DENND6A: variants seen among roughly 807,000 people sequenced by gnomAD.
The protein encoded by DENND6A is DENN domain containing 6A, also known as protein DENND6A.
A neutral mutation model predicts 95.5 loss-of-function variants in DENND6A; 43 were observed. That is an observed-to-expected ratio of 0.45 (90% confidence interval 0.35 to 0.58). The LOEUF (loss-of-function observed/expected upper bound fraction) is 0.58, where lower values mean the gene tolerates loss of function less well. Ranked by LOEUF, DENND6A falls within the 20% of genes least tolerant of loss-of-function variation. The pLI is 0.00. For missense variants in DENND6A, 574 were observed against 736.0 expected (o/e 0.78, Z 2.55); for synonymous variants, 257 against 260.4 (o/e 0.99, Z 0.13).
At position 57,661,456 on chromosome 3, in the gene DENND6A, A is replaced by G. The variant is rs2071422585; in HGVS notation, c.609T>C (p.Tyr203=). 1 of 1,566,170 alleles carries G rather than the reference A, an allele frequency of 6.4e-7. No homozygotes were observed. Among genetic ancestry groups the G allele is most frequent in the African/African-American group, 1.4e-5 (1 of 71,638 alleles). Residue 203 remains tyrosine, a synonymous_variant, in exon 6 of 20, where the codon TAT becomes TAC. Transcript: ENST00000311128. ...APEYFEKNEP[Y]LEAACNDVDR... ...ATATGTTAAACTTACCTGCTTCCAA[A>G]TAAGGTTCATTCTTTTCAAAATACT...
At chr3:57,633,179 A>T in intron 15 of DENND6A, 86 bp downstream of exon 15, 1 of 1,144,916 alleles carries the variant, frequency 8.7e-7, no homozygotes. Flanking sequence ...CACACAACTT[A>T]AGATATGGTT....
chr3:57,678,284 C>T (rs2077126949), intron 1 of DENND6A, among the ~76,000 whole-genome samples: 2 of 152,188 alleles, frequency 1.3e-5, no homozygotes, highest in African/African-American at 4.8e-5. Flanking sequence ...TCTCCCAGCA[C>T]ATAAATGCCT....
At chr3:57,657,058 A>C in intron 9 of DENND6A, among the ~76,000 whole-genome samples, 1 of 152,218 alleles carries the variant, frequency 6.6e-6, no homozygotes, top group African/African-American at 2.4e-5. Context: ...TGGTTTTTCA[A>C]GCTGGCCTAT....
chr3:57,661,752 T>C (rs954318628), intron 5 of DENND6A, among the ~76,000 whole-genome samples: 53 of 152,210 alleles, frequency 3.5e-4, no homozygotes, highest in African/African-American at 1.3e-3. Flanking sequence ...AAGAGCATAA[T>C]GGCATGTAAC....
chr3:57,681,262 G>C (rs1033969478), intron 1 of DENND6A, among the ~76,000 whole-genome samples: 3 of 151,460 alleles, frequency 2.0e-5, no homozygotes, highest in Admixed American at 6.6e-5. Context: ...TCAGGAGATC[G>C]ACACCATCCT....
chr3:57,684,029 T>C (rs935572074), intron 1 of DENND6A, among the ~76,000 whole-genome samples: 1 of 151,830 alleles, frequency 6.6e-6, no homozygotes, highest in Non-Finnish European at 1.5e-5. Context: ...GGTGGGCACC[T>C]GTAATCCCAG....
chr3:57,649,651 T>C (rs2071156486), intron 9 of DENND6A, among the ~76,000 whole-genome samples: 1 of 149,698 alleles, frequency 6.7e-6, no homozygotes, highest in Non-Finnish European at 1.5e-5. Context: ...AATATATATA[T>C]ATATAGTTGT....
At chr3:57,681,548 C>T (rs1481140119) in intron 1 of DENND6A, among the ~76,000 whole-genome samples, 1 of 149,584 alleles carries the variant, frequency 6.7e-6, no homozygotes, top group Admixed American at 6.7e-5. Context: ...TGCTTGAGCC[C>T]AGGAGGTCAA....
At chr3:57,663,497 T>TACAC (rs1553742683) in intron 5 of DENND6A, 139 bp downstream of exon 5, 67 of 149,946 alleles carry the variant, frequency 4.5e-4, no homozygotes, top group African/African-American at 1.9e-3. Flanking sequence ...AATATATATA[T>TACAC]ACACACACAC....
At chr3:57,630,620 G>A (rs1465267153) in intron 17 of DENND6A, 95 bp downstream of exon 17, 17 of 1,524,810 alleles carry the variant, frequency 1.1e-5, no homozygotes, top group Non-Finnish European at 1.4e-5. Context: ...AACTTTAGTA[G>A]AATTTTTTAA....
At chr3:57,689,889 C>A (rs2077244833) in intron 1 of DENND6A, among the ~76,000 whole-genome samples, 2 of 152,126 alleles carry the variant, frequency 1.3e-5, no homozygotes, top group South Asian at 2.1e-4. Flanking sequence ...CATAGCAAGA[C>A]CCTGTCCCCA....
intron 8 of DENND6A, among the ~76,000 whole-genome samples, chr3:57,658,705 A>G (rs1201156021): frequency 6.6e-6 from 1 of 152,234 alleles, no homozygotes; most frequent in Non-Finnish European, 1.5e-5. Context: ...AAACATTTCA[A>G]ATGAAAACTT....
chr3:57,672,659 T>A (rs1414745893), intron 1 of DENND6A, among the ~76,000 whole-genome samples: 1 of 151,998 alleles, frequency 6.6e-6, no homozygotes, highest in African/African-American at 2.4e-5. Context: ...GGCATGCACC[T>A]GTAGTCCCAC....
At chr3:57,677,613 T>G (rs901369431) in intron 1 of DENND6A, among the ~76,000 whole-genome samples, 4 of 151,846 alleles carry the variant, frequency 2.6e-5, no homozygotes, top group African/African-American at 9.7e-5. Flanking sequence ...TTTTTAAATT[T>G]TCTGTAGATA....
chr3:57,649,294 C>A (rs1337203401), intron 9 of DENND6A, among the ~76,000 whole-genome samples: 1 of 151,866 alleles, frequency 6.6e-6, no homozygotes, highest in Admixed American at 6.6e-5. Flanking sequence ...CAAATCAAAC[C>A]CACAATGCAC....
At chr3:57,631,210 T>C in intron 15 of DENND6A, 1 of 478,704 alleles carries the variant, frequency 2.1e-6, no homozygotes. Context: ...CATTTTTTCT[T>C]TTTTGAGACA....
intron 14 of DENND6A, 148 bp from the exon 15 acceptor site, chr3:57,633,502 T>C (rs2070728692): frequency 7.2e-6 from 5 of 692,362 alleles, no homozygotes; most frequent in Non-Finnish European, 1.2e-5. Context: ...TAATGTGAAG[T>C]TCATTGTGCA....
At chr3:57,651,542 G>A (rs2071209615) in intron 9 of DENND6A, among the ~76,000 whole-genome samples, 1 of 152,144 alleles carries the variant, frequency 6.6e-6, no homozygotes, top group African/African-American at 2.4e-5. Flanking sequence ...AATAGGTACA[G>A]GGTTATGTTT....
intron 18 of DENND6A, among the ~76,000 whole-genome samples, chr3:57,629,643 C>T (rs1342665699): frequency 1.3e-5 from 2 of 150,658 alleles, no homozygotes; most frequent in Non-Finnish European, 3.0e-5. Flanking sequence ...TCCCGAGTAG[C>T]TGGGACTACA....
Sources: allele counts gnomAD v4.1 joint callset (sites outside exome capture counted in the v4.1 genomes callset), GRCh38; gene constraint gnomAD v4.1.1; transcripts MANE v1.5; gene names NCBI Gene and HGNC (gene_info 2026-07-23, HGNC 2026-07-21).